ROBO2: variants seen among roughly 807,000 people sequenced by gnomAD.
ROBO2 encodes roundabout homolog 2.
A neutral mutation model predicts 160.8 loss-of-function variants in ROBO2; 53 were observed. The ratio of observed to expected loss-of-function variants is 0.33; its 90% CI spans 0.26 to 0.41. The LOEUF is 0.41. ROBO2 is among the 10% of genes least tolerant of loss of function. The probability of loss-of-function intolerance (pLI) is 1.00; values close to 1 mark genes in which losing one functional copy is unlikely to be tolerated. For missense variants in ROBO2, 1,577 were observed against 1,722.4 expected, an observed-to-expected ratio of 0.92 and a Z score of 1.49; for synonymous variants, 664 against 611.7, an observed-to-expected ratio of 1.09 and a Z score of -1.26.
At chr3:76,331,023 T>G (rs966052536) in intron 2 of ROBO2, among the ~76,000 whole-genome samples, 2 of 152,212 alleles carry the variant, frequency 1.3e-5, no homozygotes, top group Non-Finnish European at 2.9e-5. Flanking sequence ...CAAATGTTGT[T>G]TATAGTTGCC....
chr3:76,901,494 G>A (rs1388038711), intron 2 of ROBO2, among the ~76,000 whole-genome samples: 1 of 147,006 alleles, frequency 6.8e-6, no homozygotes, highest in Non-Finnish European at 1.5e-5. Context: ...CTTGAAACTG[G>A]GAGGCAGAGG....
intron 2 of ROBO2, among the ~76,000 whole-genome samples, chr3:76,867,346 T>A (rs1474713305): frequency 6.6e-6 from 1 of 152,216 alleles, no homozygotes. Flanking sequence ...TATTGAGGAA[T>A]GTACACTCAG....
chr3:77,387,309 C>T (rs1323382687), intron 2 of ROBO2, among the ~76,000 whole-genome samples: 2 of 141,728 alleles, frequency 1.4e-5, no homozygotes, highest in African/African-American at 5.3e-5. Flanking sequence ...TCAAGAACAA[C>T]CTGGCCAACA....
At chr3:76,240,645 C>A (rs1297708863) in intron 2 of ROBO2, among the ~76,000 whole-genome samples, 1 of 152,016 alleles carries the variant, frequency 6.6e-6, no homozygotes, top group African/African-American at 2.4e-5. Flanking sequence ...AAAGGCATTG[C>A]ATTGGAAAAC....
intron 2 of ROBO2, among the ~76,000 whole-genome samples, chr3:76,176,896 C>T (rs1239895748): frequency 6.6e-6 from 1 of 152,188 alleles, no homozygotes; most frequent in Admixed American, 6.5e-5. Context: ...TTAAATGATT[C>T]TGTAAAACTA....
chr3:75,984,725 C>T (rs943948125), intron 2 of ROBO2, among the ~76,000 whole-genome samples: 7 of 151,310 alleles, frequency 4.6e-5, no homozygotes, highest in Non-Finnish European at 8.9e-5. Context: ...GAGAAGTTAA[C>T]GCTACTGGTC....
chr3:76,691,818 G>A (rs1404535378), intron 2 of ROBO2, among the ~76,000 whole-genome samples: 1 of 152,040 alleles, frequency 6.6e-6, no homozygotes, highest in Non-Finnish European at 1.5e-5. Flanking sequence ...CTAGAGAGAA[G>A]CATAGCAGAA....
intron 2 of ROBO2, among the ~76,000 whole-genome samples, chr3:76,666,399 C>G (rs1359493251): frequency 6.6e-6 from 1 of 152,074 alleles, no homozygotes. Flanking sequence ...CCTGATGACA[C>G]TTATTTCAAG....
At chr3:76,723,612 C>T (rs2093499860) in intron 2 of ROBO2, among the ~76,000 whole-genome samples, 2 of 152,134 alleles carry the variant, frequency 1.3e-5, no homozygotes, top group Non-Finnish European at 2.9e-5. Flanking sequence ...CCTCTTTGTC[C>T]TTGTCTTCCA....
chr3:76,581,523 A>G (rs2085700190), intron 2 of ROBO2, among the ~76,000 whole-genome samples: 2 of 152,160 alleles, frequency 1.3e-5, no homozygotes, highest in South Asian at 4.1e-4. Context: ...CTGTGATCCC[A>G]GCTACTCGGG....
chr3:75,974,074 G>A (rs2065070299), intron 2 of ROBO2, among the ~76,000 whole-genome samples: 1 of 151,574 alleles, frequency 6.6e-6, no homozygotes, highest in Non-Finnish European at 1.5e-5. Flanking sequence ...GTAATGGTGA[G>A]GACCAAATAC....
intron 2 of ROBO2, among the ~76,000 whole-genome samples, chr3:76,303,384 G>A (rs919935053): frequency 2.0e-5 from 3 of 151,656 alleles, no homozygotes; most frequent in African/African-American, 7.3e-5. Flanking sequence ...TAATGAACTA[G>A]GTGCTATATA....
At chr3:76,592,548 A>G (rs896983130) in intron 2 of ROBO2, among the ~76,000 whole-genome samples, 21 of 152,124 alleles carry the variant, frequency 1.4e-4, no homozygotes, top group Non-Finnish European at 2.2e-4. Context: ...TCAACATTAC[A>G]TCAAATATGT....
intron 24 of ROBO2, among the ~76,000 whole-genome samples, chr3:77,643,693 A>G (rs1174164376): frequency 6.6e-6 from 1 of 152,118 alleles, no homozygotes; most frequent in Admixed American, 6.6e-5. Context: ...CTTTGAAAAA[A>G]TGTCTTTTCA....
rs1021385019 is a variant in ROBO2, at chr3:77,040,885, AC to A, written c.61+45del. ...GCTTTCATCTTTTTTTGCGCCCCCCACCCCCCAATCCCCCAAAACCATTTCT... is the reference window on the plus strand; with the variant it reads ...GCTTTCATCTTTTTTTGCGCCCCCCACCCCCAATCCCCCAAAACCATTTCT... On this transcript the variant is annotated intron_variant, in intron 1 of 25. Coordinates refer to ENST00000461745, the Ensembl canonical transcript of ROBO2. The A allele has an allele frequency of 1.1e-5, 16 of 1,510,540 alleles. No individual in the cohort carries two copies. The Admixed American group carries it at 1.3e-4, about 12-fold the overall frequency. 93.6% of individuals were successfully genotyped at this position (1,510,540 alleles called of 1,614,324 possible).
chr3:76,948,874 T>TTTTA (rs1553703157), intron 2 of ROBO2, among the ~76,000 whole-genome samples: 1 of 48,616 alleles, frequency 2.1e-5, no homozygotes, highest in African/African-American at 1.1e-4. Context: ...CCGGCTAATT[T>TTTTA]TATATATATA....
chr3:77,277,395 A>G (rs2059957413), intron 2 of ROBO2, among the ~76,000 whole-genome samples: 1 of 151,914 alleles, frequency 6.6e-6, no homozygotes, highest in Non-Finnish European at 1.5e-5. Context: ...AGATCCACCC[A>G]TCACCTAGGT....
chr3:77,612,458 A>G (rs1398027424), intron 21 of ROBO2, among the ~76,000 whole-genome samples: 1 of 152,146 alleles, frequency 6.6e-6, no homozygotes, highest in Non-Finnish European at 1.5e-5. Flanking sequence ...ACCATGCCCC[A>G]ACTTTCCTTC....
chr3:76,145,005 T>C (rs2071831390), intron 2 of ROBO2, among the ~76,000 whole-genome samples: 1 of 152,060 alleles, frequency 6.6e-6, no homozygotes, highest in Admixed American at 6.6e-5. Context: ...CTGTACACTT[T>C]TATTCAAGAA....
Sources: gnomAD v4.1 joint callset for allele counts (sites outside exome capture counted in the v4.1 genomes callset) on GRCh38, gnomAD v4.1.1 for gene constraint, MANE v1.5 for transcripts, NCBI Gene and HGNC (gene_info 2026-07-23, HGNC 2026-07-21) for gene names.